ZNF577: variants seen among roughly 807,000 people sequenced by gnomAD.
ZNF577 encodes the protein zinc finger protein 577.
A neutral mutation model predicts 13.9 loss-of-function variants in ZNF577; 14 were observed. That is an observed-to-expected ratio of 1.00 (90% CI 0.66 to 1.57). The LOEUF (loss-of-function observed/expected upper bound fraction) is 1.57, where lower values mean the gene tolerates loss of function less well. ZNF577 is among the 40% of genes most tolerant of loss of function. The probability of loss-of-function intolerance (pLI) is 0.00; values close to 1 mark genes in which losing one functional copy is unlikely to be tolerated. For missense variants in ZNF577, 555 were observed against 579.2 expected (o/e 0.96, Z 0.43); for synonymous variants, 203 against 202.9 (o/e 1.00, Z 0.00).
At chr19:51,825,790 T>C (rs1307612101) in intron 9 of ZNF577, 1 of 167,132 alleles carries the variant, frequency 6.0e-6, no homozygotes, top group African/African-American at 2.4e-5. Flanking sequence ...GGTGTTATTT[T>C]TTCATGTCTG....
Position 51,867,404 on chromosome 19 carries a change from A to G in ZNF577, c.*5128T>C, listed in dbSNP as rs1449451791. Among the ~76,000 whole-genome samples the G allele has an allele frequency of 6.6e-6, 1 of 152,148 alleles. No individual in the cohort carries two copies. The highest frequency in any genetic ancestry group is 1.9e-4 in the East Asian group (1 of 5,184). ...ATCTCTTTTCAAGAGAAAAGAAGAC[A>G]TGTCAGAGAGAGGCCCAGCTTTTAG... On this transcript the variant is annotated 3_prime_UTR_variant, in exon 6 of 6. Transcript: ENST00000638348.
At position 51,872,737 on chromosome 19, in the gene ZNF577, G is replaced by A; in HGVS notation, c.1253C>T (p.Pro418Leu). 6.2e-7 allele frequency: 1 copy of A among 1,614,206 alleles called. No individual in the cohort carries two copies. Among genetic ancestry groups the A allele is most frequent in the African/African-American group, 1.3e-5 (1 of 75,064 alleles). Reference protein sequence around the residue: ...KTVNTVPIEMPSSGTPPLLNK... With the variant: ...KTVNTVPIEMLSSGTPPLLNK... Reference sequence around the variant, plus strand: ...TAACAATGGCGGGGTTCCTGAGGAAGGCATTTCTATAGGTACTGTGTTCAC... The same window carrying A: ...TAACAATGGCGGGGTTCCTGAGGAAAGCATTTCTATAGGTACTGTGTTCAC... The change falls in exon 6 of 6, where the codon CCT becomes CTT. Residue 418 changes from proline to leucine, a missense_variant. By Grantham distance (98) the Pro-to-Leu change is moderately conservative. Coordinates refer to ENST00000638348, the MANE Select transcript of ZNF577 (RefSeq NM_001370449.1).
In ZNF577 at chr19:51,824,700, C is replaced by T; in HGVS notation, c.*600-13026G>A. On this transcript the variant is annotated intron_variant and NMD_transcript_variant, in intron 9 of 10. Coordinates refer to the ZNF577 transcript ENST00000638827. This position sits in a 1 kb window ranked among gnomAD's most constrained non-coding sequence, Gnocchi z 4.7. ...CCAAGAAAGACTGATTCGCTCTTTG[C>T]CCACTAGTTTGGAGAGGGCCCTGAC... The T allele has an allele frequency of 1.2e-6, 2 of 1,614,084 alleles. No individual in the cohort carries two copies. Among genetic ancestry groups the T allele is most frequent in the South Asian group, 1.1e-5 (1 of 91,080 alleles).
rs373409203 is a variant in ZNF577, at chr19:51,868,509, C to T, written c.*4023G>A. 3.9e-5 allele frequency among the ~76,000 whole-genome samples: 6 copies of T among 152,310 alleles called. No homozygotes were observed. The highest frequency in any genetic ancestry group is 1.4e-4 in the African/African-American group (6 of 41,564). ...CACCTCAGCCACACAGCAGGGCAGA[C>T]TCACCAAGAACCGACTGGGTCTGAC... is the stretch of plus-strand genomic sequence containing the variant. On this transcript the variant is annotated 3_prime_UTR_variant, in exon 6 of 6. Coordinates refer to ENST00000638348, the MANE Select transcript of ZNF577 (RefSeq NM_001370449.1).
intron 5 of ZNF577, among the ~76,000 whole-genome samples, chr19:51,848,670 T>C (rs2084366096): frequency 6.6e-6 from 1 of 152,102 alleles, no homozygotes; most frequent in Non-Finnish European, 1.5e-5. Context: ...AGAAAAGCAT[T>C]TGTAGCTCAC....
At position 51,870,365 on chromosome 19, in the gene ZNF577, A is replaced by G. The variant is rs1243166733; in HGVS notation, c.*2167T>C. On this transcript the variant is annotated 3_prime_UTR_variant, in exon 6 of 6. Coordinates refer to ENST00000638348, the MANE Select transcript of ZNF577 (RefSeq NM_001370449.1). Reference sequence around the variant, plus strand: ...TTTCTTTATTAGTCTCTGTTTGGAAAATTGCTAACTTACTTGGAAAGTATG... The same window carrying G: ...TTTCTTTATTAGTCTCTGTTTGGAAGATTGCTAACTTACTTGGAAAGTATG... Among the ~76,000 whole-genome samples the G allele has an allele frequency of 6.6e-6, 1 of 152,130 alleles. No homozygotes were observed. The highest frequency in any genetic ancestry group is 1.5e-5 in the Non-Finnish European group (1 of 68,030).
intron 1 of ZNF577, chr19:51,886,123 G>A (rs2084941992): frequency 6.6e-6 from 1 of 152,074 alleles, no homozygotes; most frequent in Admixed American, 6.5e-5. Context: ...TACCTTTGGA[G>A]AGGAGAGAGA....
At chr19:51,881,840 C>T (rs1029223055) in intron 1 of ZNF577, among the ~76,000 whole-genome samples, 5 of 152,144 alleles carry the variant, frequency 3.3e-5, no homozygotes, top group Non-Finnish European at 7.4e-5. Context: ...GTTCAGAGAT[C>T]AGTCTCCCCA....
chr19:51,820,972 A>G lies in ZNF577; in HGVS notation c.*600-9298T>C, dbSNP rs76841772. Among the ~76,000 whole-genome samples the G allele has an allele frequency of 2.6e-4, 39 of 152,350 alleles. No homozygotes were observed. In the East Asian group the frequency reaches 7.1e-3, roughly 28 times the overall value. On this transcript the variant is annotated intron_variant and NMD_transcript_variant, in intron 9 of 10. Coordinates refer to the ZNF577 transcript ENST00000638827. The stretch of plus-strand genomic sequence containing the variant: ...AGCTCTTGGCATGTGAGTAATGTTC[A>G]TAAGTAGTAGCCACTATTGCTATGA...
intron 9 of ZNF577, among the ~76,000 whole-genome samples, chr19:51,833,531 G>C (rs988543419): frequency 6.6e-6 from 1 of 152,188 alleles, no homozygotes; most frequent in African/African-American, 2.4e-5. Flanking sequence ...ACAAGAGATG[G>C]CATGAGCCTG....
chr19:51,845,320 C>T (rs2084345202), intron 5 of ZNF577, among the ~76,000 whole-genome samples: 1 of 151,896 alleles, frequency 6.6e-6, no homozygotes, highest in African/African-American at 2.4e-5. Context: ...ATGGAGAAAC[C>T]CGGTCACTAC....
intron 5 of ZNF577, among the ~76,000 whole-genome samples, chr19:51,850,751 G>A (rs1397205777): frequency 6.6e-6 from 1 of 152,166 alleles, no homozygotes; most frequent in Non-Finnish European, 1.5e-5. Flanking sequence ...ACTTGCAGCT[G>A]GTGTCAGAAG....
At chr19:51,813,259 T>C (rs1428957441) in intron 9 of ZNF577, among the ~76,000 whole-genome samples, 3 of 151,884 alleles carry the variant, frequency 2.0e-5, no homozygotes, top group African/African-American at 4.8e-5. Context: ...TCACAGACAG[T>C]GCTTTCTATG....
rs1555745841 is a variant in ZNF577, at chr19:51,857,426, G to GAGAAAGAAAGAA, written c.284-12496_284-12495insTTCTTTCTTTCT. 1.9e-3 allele frequency among the ~76,000 whole-genome samples: 180 copies of GAGAAAGAAAGAA among 96,756 alleles called. 1 individual carries two copies. Among genetic ancestry groups the GAGAAAGAAAGAA allele is most frequent in the Middle Eastern group, 5.5e-3 (1 of 182 alleles). The allele number at this position is 96,756 out of a possible 152,430, so 63.5% of individuals were successfully genotyped here. Reference sequence around the variant, plus strand: ...AGAAAGAAAGAAAGAAAGAAAGAAAGAAAAGAAAAAACAAAGAAAGGAAGG... The same window carrying GAGAAAGAAAGAA: ...AGAAAGAAAGAAAGAAAGAAAGAAAGAGAAAGAAAGAAAAAAGAAAAAACAAAGAAAGGAAGG... On this transcript the variant is annotated intron_variant and NMD_transcript_variant, in intron 5 of 10. Transcript: ENST00000638827.
chr19:51,860,446 T>G (rs192236427), intron 5 of ZNF577: 1 of 152,758 alleles, frequency 6.5e-6, no homozygotes, highest in Non-Finnish European at 1.5e-5. Flanking sequence ...GCATTGAACC[T>G]AAATATTATT....
chr19:51,817,517 T>G (rs77054332), intron 9 of ZNF577, among the ~76,000 whole-genome samples: 7 of 73,178 alleles, frequency 9.6e-5, no homozygotes, highest in African/African-American at 3.2e-4. Context: ...ATCTGTTTTG[T>G]TTTTTTTTTT....
At chr19:51,865,732 C>A (rs1009312959), downstream of ZNF577, among the ~76,000 whole-genome samples, 2 of 152,174 alleles carry the variant, frequency 1.3e-5, no homozygotes, top group African/African-American at 4.8e-5. Flanking sequence ...ATGGTCAGCT[C>A]CTTTACTTTC....
chr19:51,824,301 GAC>G lies in ZNF577; in HGVS notation c.*600-12629_*600-12628del, dbSNP rs776464301. On this transcript the variant is annotated intron_variant and NMD_transcript_variant, in intron 9 of 10. Transcript: ENST00000638827. This position sits in a 1 kb window ranked among gnomAD's most constrained non-coding sequence, Gnocchi z 4.7. ...TATTTTCAACTTTGCATTCTGGGGTGACACTGCTGTAGAGAGGTTGAACGTGT... is the reference window on the plus strand; with the variant it reads ...TATTTTCAACTTTGCATTCTGGGGTGACTGCTGTAGAGAGGTTGAACGTGT... 6.2e-7 allele frequency: 1 copy of G among 1,614,046 alleles called. No individual in the cohort carries two copies. Among genetic ancestry groups the G allele is most frequent in the Non-Finnish European group, 8.5e-7 (1 of 1,180,020 alleles).
At chr19:51,876,321 G>A (rs1334201496) in intron 5 of ZNF577, among the ~76,000 whole-genome samples, 2 of 152,098 alleles carry the variant, frequency 1.3e-5, no homozygotes, top group Non-Finnish European at 2.9e-5. Flanking sequence ...CTGGTGGCTG[G>A]CGACACGCAG....
Sources: gnomAD v4.1 joint callset for allele counts (sites outside exome capture counted in the v4.1 genomes callset) on GRCh38, gnomAD v4.1.1 for gene constraint, Gnocchi (gnomAD v3.1) non-coding constraint, MANE v1.5 for transcripts, NCBI Gene and HGNC (gene_info 2026-07-23, HGNC 2026-07-21) for gene names.